VLDLR: variants seen among roughly 807,000 people sequenced by gnomAD.
The protein encoded by VLDLR is very low-density lipoprotein receptor.
Under a neutral mutation model 112.7 loss-of-function variants are expected in VLDLR, and 81 were observed. The ratio of observed to expected loss-of-function variants is 0.72; its 90% CI spans 0.60 to 0.86. The LOEUF (loss-of-function observed/expected upper bound fraction) is 0.86. VLDLR is among the 40% of genes least tolerant of loss of function. The pLI, the probability that VLDLR is intolerant of heterozygous loss-of-function variation, is 0.00. For missense variants in VLDLR, 1,237 were observed against 1,099.4 expected (o/e 1.13, Z -1.77); for synonymous variants, 436 against 384.8 (o/e 1.13, Z -1.56).
chr9:2,648,745 C>T lies in VLDLR; in HGVS notation c.2039C>T (p.Thr680Ile). The T allele has an allele frequency of 6.2e-7, 1 of 1,614,194 alleles. No homozygotes were observed. The highest frequency in any genetic ancestry group is 8.5e-7 in the Non-Finnish European group (1 of 1,180,042). ...AAATTCACTGGATCAGAGCTAGCCA[C>T]TCTAGTCAACAACCTGAATGATGCC... ...ANKFTGSELA[T>I]LVNNLNDAQD... The change falls in exon 14 of 19, where the codon ACT becomes ATT. Residue 680 changes from threonine to isoleucine, a missense_variant. Physicochemically the swap from Thr to Ile is moderately conservative, Grantham distance 89 (BLOSUM62 -1). Transcript: ENST00000382100.
chr9:2,653,701 A>G, intron 18 of VLDLR, 132 bp from the exon 19 acceptor site: 3 of 899,214 alleles, frequency 3.3e-6, no homozygotes, highest in Admixed American at 1.7e-5. Context: ...ATTCTTTTGT[A>G]TCTGACTGAC....
At chr9:2,648,587 A>G in intron 13 of VLDLR, 82 bp from the exon 14 acceptor site, 1 of 1,600,902 alleles carries the variant, frequency 6.2e-7, no homozygotes, top group South Asian at 1.1e-5. Flanking sequence ...AGTCCATTAA[A>G]TGAGAAGTAA....
chr9:2,623,904 T>C (rs1816958343), intron 1 of VLDLR, among the ~76,000 whole-genome samples: 1 of 152,198 alleles, frequency 6.6e-6, no homozygotes, highest in Non-Finnish European at 1.5e-5. Context: ...CATTAATAGA[T>C]GAGTAATACT....
chr9:2,635,616 A>T (rs367813028), intron 2 of VLDLR, 44 bp downstream of exon 2: 84 of 1,613,018 alleles, frequency 5.2e-5, no homozygotes, highest in Non-Finnish European at 6.7e-5. Flanking sequence ...TTAAAATATG[A>T]TGTTATCTTA....
rs753448265 is a variant in VLDLR, at chr9:2,652,895, C to T, written c.2532C>T (p.Asp844=). The change falls in exon 18 of 19, where the codon GAC becomes GAT. Residue 844 remains aspartate, a synonymous_variant. Coordinates refer to ENST00000382100, the MANE Select transcript of VLDLR (RefSeq NM_003383.5). The part of the protein sequence containing the change: ...NPVYLKTTEE[D]LSIDIGRHSA... Reference sequence around the variant, plus strand: ...TGTACTTGAAAACCACTGAAGAGGACCTCTCCATAGACATTGGTAGACACA... The same window carrying T: ...TGTACTTGAAAACCACTGAAGAGGATCTCTCCATAGACATTGGTAGACACA... 3 of 1,613,962 alleles carry T rather than the reference C, an allele frequency of 1.9e-6. No individual in the cohort carries two copies. Among genetic ancestry groups the T allele is most frequent in the Admixed American group, 1.7e-5 (1 of 59,992 alleles).
At chr9:2,624,642 AAG>A (rs1267402817) in intron 1 of VLDLR, among the ~76,000 whole-genome samples, 1 of 152,232 alleles carries the variant, frequency 6.6e-6, no homozygotes, top group Non-Finnish European at 1.5e-5. Flanking sequence ...TAAGAATAGA[AAG>A]AAAATTCCCT....
At chr9:2,653,580 C>T (rs1002873378) in intron 18 of VLDLR, among the ~76,000 whole-genome samples, 1 of 152,174 alleles carries the variant, frequency 6.6e-6, no homozygotes, top group Non-Finnish European at 1.5e-5. Flanking sequence ...CATTTTTCCC[C>T]AAGACTTATG....
chr9:2,650,661 T>C lies in VLDLR; in HGVS notation c.2251+145T>C. On this transcript the variant is annotated intron_variant, in intron 15 of 18. Coordinates refer to ENST00000382100, the MANE Select transcript of VLDLR (RefSeq NM_003383.5). ...TCTGCTATTGTATGCCGGGTTATCA[T>C]GTCATTTCTTTAGAACTGACTTTAA... 3.2e-6 allele frequency: 4 copies of C among 1,245,742 alleles called. No individual in the cohort carries two copies. In the South Asian group the frequency reaches 3.9e-5, roughly 12 times the overall value. 77.2% of individuals were successfully genotyped at this position (1,245,742 alleles called of 1,614,324 possible). A position where few individuals can be genotyped will look rare whatever the true frequency, so the allele number is the denominator to read the frequency against.
chr9:2,648,357 G>C lies in VLDLR; in HGVS notation c.1962+10G>C, dbSNP rs200297150. On this transcript the variant is annotated intron_variant, in intron 13 of 18. Coordinates refer to ENST00000382100, the MANE Select transcript of VLDLR (RefSeq NM_003383.5). ...ACTAACAATATTTGAGGTAAGATGT[G>C]TCTCACATCAAAGTGTGTACCTTTG... The C allele has an allele frequency of 1.5e-5, 24 of 1,613,970 alleles. No individual in the cohort carries two copies. The highest frequency in any genetic ancestry group is 1.9e-5 in the Non-Finnish European group (23 of 1,180,006).
chr9:2,647,876 G>GC, intron 12 of VLDLR: 1 of 571,968 alleles, frequency 1.7e-6, no homozygotes, highest in Non-Finnish European at 3.1e-6. Flanking sequence ...GGGCATGAGT[G>GC]CCTTAGCATT....
chr9:2,650,668 T>C, intron 15 of VLDLR, 152 bp downstream of exon 15: 1 of 1,202,826 alleles, frequency 8.3e-7, no homozygotes, highest in Non-Finnish European at 1.2e-6. Flanking sequence ...TCATGTCATT[T>C]CTTTAGAACT....
Position 2,643,968 on chromosome 9 carries a change from A to G in VLDLR, c.1066+9A>G. 1 of 1,613,938 alleles carries G rather than the reference A, an allele frequency of 6.2e-7. No individual in the cohort carries two copies. Among genetic ancestry groups the G allele is most frequent in the Non-Finnish European group, 8.5e-7 (1 of 1,179,974 alleles). ...GCCCCTGAAAGAGTGTCGTAAGTGT[A>G]CTTGTTGTTCAAGTACAGATCCTGG... On this transcript the variant is annotated intron_variant, in intron 7 of 18. Transcript: ENST00000382100.
chr9:2,632,800 G>A (rs1415390326), intron 1 of VLDLR, among the ~76,000 whole-genome samples: 4 of 152,164 alleles, frequency 2.6e-5, no homozygotes, highest in African/African-American at 9.7e-5. Context: ...GAATTAAACA[G>A]AACTAGGGAG....
intron 9 of VLDLR, among the ~76,000 whole-genome samples, 197 bp downstream of exon 9, chr9:2,645,279 A>G (rs1009761405): frequency 5.3e-5 from 8 of 152,168 alleles, no homozygotes; most frequent in Non-Finnish European, 1.0e-4. Flanking sequence ...CCTTTTGCAT[A>G]TGATACCATG....
intron 16 of VLDLR, 152 bp from the exon 17 acceptor site, chr9:2,651,722 A>G: frequency 1.1e-6 from 1 of 912,424 alleles, no homozygotes; most frequent in East Asian, 2.6e-5. Flanking sequence ...TGTGACTCAA[A>G]TACTTCTAAG....
rs6144 is a variant in VLDLR at position 2,645,557 on chromosome 9, A to T, written c.1313-17A>T. 290,829 of 1,613,904 alleles carry T rather than the reference A, an allele frequency of 0.18. 28,352 individuals carry two copies. Among genetic ancestry groups the T allele is most frequent in the African/African-American group, 0.24 (18,236 of 74,998 alleles). On this transcript the variant is annotated splice_polypyrimidine_tract_variant and intron_variant, in intron 9 of 18. Transcript: ENST00000382100. ...TTCTTAAAGCAAAACTAAGTAACCC[A>T]GACTTCCATCTTGCAGGCAAAGAGC...
In VLDLR at chr9:2,648,272, G is replaced by A. The variant is rs775717014; in HGVS notation, c.1887G>A (p.Leu629=). The A allele has an allele frequency of 6.2e-7, 1 of 1,614,192 alleles. No individual in the cohort carries two copies. Among genetic ancestry groups the A allele is most frequent in the South Asian group, 1.1e-5 (1 of 91,082 alleles). ...SKLHMLSSVD[L]NGQDRRIVLK... is the part of the protein sequence containing the mutation. ...TGCACATGTTATCCAGCGTGGACTT[G>A]AATGGCCAAGATCGTAGGATAGTAC... The change falls in exon 13 of 19, where the codon TTG becomes TTA. Residue 629 remains leucine, a synonymous_variant. Coordinates refer to ENST00000382100, the MANE Select transcript of VLDLR (RefSeq NM_003383.5).
intron 1 of VLDLR, among the ~76,000 whole-genome samples, chr9:2,630,537 T>C (rs778957685): frequency 2.0e-5 from 3 of 152,192 alleles, no homozygotes; most frequent in Non-Finnish European, 2.9e-5. Context: ...ACTTTCTCTA[T>C]ATTCTGGGCA....
chr9:2,637,116 A>G (rs941803085), intron 2 of VLDLR, among the ~76,000 whole-genome samples: 1 of 152,208 alleles, frequency 6.6e-6, no homozygotes, highest in African/African-American at 2.4e-5. Context: ...ATTTGTCTCT[A>G]CTTCCTGTGT....
Sources: gnomAD v4.1 joint callset for allele counts (sites outside exome capture counted in the v4.1 genomes callset) on GRCh38, gnomAD v4.1.1 for gene constraint, MANE v1.5 for transcripts, NCBI Gene and HGNC (gene_info 2026-07-23, HGNC 2026-07-21) for gene names.